Variants in TMEM196 observed in about 807,000 individuals in gnomAD.
The protein encoded by TMEM196 is transmembrane protein 196.
A neutral mutation model predicts 20.0 loss-of-function variants in TMEM196; 17 were observed. The ratio of observed to expected loss-of-function variants is 0.85; its 90% CI spans 0.58 to 1.27. The LOEUF (loss-of-function observed/expected upper bound fraction) is 1.27. TMEM196 is among the 50% of genes most tolerant of loss of function. The pLI, the probability that TMEM196 is intolerant of heterozygous loss-of-function variation, is 0.00. For synonymous variants in TMEM196, 113 were observed against 88.9 expected (o/e 1.27, Z -1.52); for missense variants, 267 against 223.0 (o/e 1.20, Z -1.26).
At chr7:19,770,858 C>T (rs1478589338) in intron 1 of TMEM196, among the ~76,000 whole-genome samples, 4 of 151,932 alleles carry the variant, frequency 2.6e-5, no homozygotes, top group East Asian at 1.9e-4. Flanking sequence ...ACTAAGCTAA[C>T]ATAACCATTT....
chr7:19,755,179 C>A (rs1785154816), intron 1 of TMEM196, among the ~76,000 whole-genome samples: 1 of 152,150 alleles, frequency 6.6e-6, no homozygotes, highest in Non-Finnish European at 1.5e-5. Flanking sequence ...AACCTTTCTA[C>A]TTAGGCAAAA....
intron 1 of TMEM196, among the ~76,000 whole-genome samples, chr7:19,760,013 T>C (rs1380603539): frequency 6.6e-6 from 1 of 152,166 alleles, no homozygotes; most frequent in East Asian, 1.9e-4. Flanking sequence ...ATAGATCCTT[T>C]TATAATTACG....
chr7:19,754,978 A>T (rs189107719), intron 1 of TMEM196, among the ~76,000 whole-genome samples: 1 of 152,222 alleles, frequency 6.6e-6, no homozygotes, highest in Non-Finnish European at 1.5e-5. Context: ...TTTTTATAAG[A>T]ATAAGGAGAC....
chr7:19,730,289 A>T (rs889854478), intron 1 of TMEM196, among the ~76,000 whole-genome samples: 60 of 151,784 alleles, frequency 4.0e-4, no homozygotes, highest in African/African-American at 1.4e-3. Context: ...ACACAAAGGG[A>T]TAAAGCAATT....
intron 1 of TMEM196, among the ~76,000 whole-genome samples, chr7:19,771,125 ATAAC>A (rs1785859944): frequency 6.6e-6 from 1 of 152,224 alleles, no homozygotes; most frequent in Non-Finnish European, 1.5e-5. Context: ...AACAAGAACA[ATAAC>A]TACAACTCTC....
intron 1 of TMEM196, among the ~76,000 whole-genome samples, chr7:19,759,802 C>T (rs754952043): frequency 3.3e-5 from 5 of 152,134 alleles, no homozygotes; most frequent in Admixed American, 6.6e-5. Flanking sequence ...AAATTGAACA[C>T]AAAACACAAG....
chr7:19,754,318 T>C (rs548387530), intron 1 of TMEM196, among the ~76,000 whole-genome samples: 3 of 152,358 alleles, frequency 2.0e-5, no homozygotes, highest in African/African-American at 7.2e-5. Context: ...CTAAAGCCCT[T>C]GGATCCAGAG....
intron 1 of TMEM196, among the ~76,000 whole-genome samples, chr7:19,756,408 G>T (rs966936519): frequency 1.8e-4 from 28 of 151,682 alleles, no homozygotes; most frequent in African/African-American, 6.5e-4. Flanking sequence ...ACATCTGCAG[G>T]TTTGTTATAT....
chr7:19,771,602 A>C (rs950981232), intron 1 of TMEM196, among the ~76,000 whole-genome samples: 2 of 152,348 alleles, frequency 1.3e-5, no homozygotes, highest in East Asian at 1.9e-4. Context: ...TTATCTTGAA[A>C]AGTAGGATCA....
At chr7:19,730,469 T>C (rs1023914385) in intron 1 of TMEM196, among the ~76,000 whole-genome samples, 3 of 152,244 alleles carry the variant, frequency 2.0e-5, no homozygotes. Context: ...AGTTTTCACA[T>C]ACTTCTAACT....
chr7:19,752,884 A>G (rs970822908), intron 1 of TMEM196, among the ~76,000 whole-genome samples: 4 of 152,126 alleles, frequency 2.6e-5, no homozygotes, highest in African/African-American at 9.7e-5. Flanking sequence ...AAGTGCTGGG[A>G]TTACAAGCAT....
At chr7:19,768,184 T>C (rs1785712565) in intron 1 of TMEM196, among the ~76,000 whole-genome samples, 1 of 152,128 alleles carries the variant, frequency 6.6e-6, no homozygotes, top group Non-Finnish European at 1.5e-5. Flanking sequence ...TTAAATGATT[T>C]AGATAAGAAA....
At position 19,768,243 on chromosome 7, in the gene TMEM196, C is replaced by T. The variant is rs537003314; in HGVS notation, c.147+4307G>A. Among the ~76,000 whole-genome samples the T allele has an allele frequency of 5.5e-4, 83 of 152,088 alleles. 1 individual carries two copies. The South Asian group carries it at 0.017, about 31-fold the overall frequency. On this transcript the variant is annotated intron_variant, in intron 1 of 4. Transcript: ENST00000405844. ...ACCTCGTGGTTTACATGTGGGAGAA[C>T]TAGGCTTAGAAAAGTTTGTTTAATA...
chr7:19,741,773 T>G (rs1454813121), intron 1 of TMEM196, among the ~76,000 whole-genome samples: 2 of 152,144 alleles, frequency 1.3e-5, no homozygotes, highest in Non-Finnish European at 2.9e-5. Context: ...TAGAAAAGAC[T>G]CTGTTTTTAA....
chr7:19,760,147 A>G (rs1785379296), intron 1 of TMEM196, among the ~76,000 whole-genome samples: 1 of 151,986 alleles, frequency 6.6e-6, no homozygotes, highest in African/African-American at 2.4e-5. Context: ...CCTGGACTTC[A>G]TTCAGTTTCT....
chr7:19,745,824 A>G (rs1207467446), intron 1 of TMEM196, among the ~76,000 whole-genome samples: 2 of 150,982 alleles, frequency 1.3e-5, no homozygotes, highest in Non-Finnish European at 2.9e-5. Context: ...TCTGCTCCTA[A>G]TTGAAATTGT....
At chr7:19,763,574 C>A (rs949173924) in intron 1 of TMEM196, among the ~76,000 whole-genome samples, 1 of 152,088 alleles carries the variant, frequency 6.6e-6, no homozygotes, top group African/African-American at 2.4e-5. Flanking sequence ...GTAGAGTAAA[C>A]AGTTTCTAAG....
At chr7:19,762,877 C>T (rs1052338799) in intron 1 of TMEM196, among the ~76,000 whole-genome samples, 1 of 152,184 alleles carries the variant, frequency 6.6e-6, no homozygotes, top group African/African-American at 2.4e-5. Context: ...GATGAATGTT[C>T]ATCCAACATG....
Position 19,725,725 on chromosome 7 carries a change from C to T in TMEM196, c.248G>A (p.Gly83Asp). Residue 83 changes from glycine to aspartate, a missense_variant, in exon 3 of 5, where the codon GGC becomes GAC. By Grantham distance (94) the Gly-to-Asp change is moderately conservative. Coordinates refer to ENST00000405844, the MANE Select transcript of TMEM196 (RefSeq NM_001363562.2). ...SACCICGLIGGILNFQFLRAV... is the reference protein window; with the variant it reads ...SACCICGLIGDILNFQFLRAV... ...CCGGAGGAACTGAAAATTCAGGATG[C>T]CCCCAATAAGTCCACAGATACAGCA... The T allele has an allele frequency of 6.2e-7, 1 of 1,612,732 alleles. No individual in the cohort carries two copies. Among genetic ancestry groups the T allele is most frequent in the Non-Finnish European group, 8.5e-7 (1 of 1,178,940 alleles).
Sources: gnomAD v4.1 joint callset for allele counts (sites outside exome capture counted in the v4.1 genomes callset) on GRCh38, gnomAD v4.1.1 for gene constraint, MANE v1.5 for transcripts, NCBI Gene and HGNC (gene_info 2026-07-23, HGNC 2026-07-21) for gene names.